The following LIFR variants were observed in gnomAD, a reference collection of about 807,000 sequenced individuals.
LIFR encodes leukemia inhibitory factor receptor.
LIFR carries 84 observed loss-of-function variants against 122.2 expected under a neutral mutation model. That is an observed-to-expected ratio of 0.69 (90% CI 0.58 to 0.82). The LOEUF is 0.82. Among genes scored for constraint, LIFR ranks in the 40% least tolerant of loss-of-function variants. LIFR has a pLI of 0.00. For missense variants in LIFR, 1,294 were observed against 1,311.6 expected, an observed-to-expected ratio of 0.99 and a Z score of 0.21; for synonymous variants, 422 against 434.7, an observed-to-expected ratio of 0.97 and a Z score of 0.36.
At chr5:38,590,027 T>C (rs1467478660) in intron 1 of LIFR, among the ~76,000 whole-genome samples, 1 of 152,220 alleles carries the variant, frequency 6.6e-6, no homozygotes, top group African/African-American at 2.4e-5. Context: ...CAATGGTTTT[T>C]CTAAGACATA....
At chr5:38,571,531 A>T (rs1277637067) in intron 1 of LIFR, among the ~76,000 whole-genome samples, 3 of 51,236 alleles carry the variant, frequency 5.9e-5, no homozygotes, top group African/African-American at 2.6e-4. Flanking sequence ...TTCCAGCTCA[A>T]AAAAAAAAAA....
intron 2 of LIFR, chr5:38,606,159 A>G (rs1750324081): frequency 6.6e-6 from 1 of 152,226 alleles, no homozygotes; most frequent in Non-Finnish European, 1.5e-5. Context: ...CTATGAAGAA[A>G]TGCCTGTGAT....
chr5:38,507,061 A>T (rs1356410497), intron 7 of LIFR, among the ~76,000 whole-genome samples: 1 of 152,168 alleles, frequency 6.6e-6, no homozygotes, highest in East Asian at 1.9e-4. Context: ...AAAATCAGTA[A>T]GTCATGTTAC....
intron 16 of LIFR, among the ~76,000 whole-genome samples, chr5:38,486,482 C>G (rs188996752): frequency 2.0e-5 from 3 of 152,188 alleles, no homozygotes; most frequent in Non-Finnish European, 2.9e-5. Context: ...AATGAGAAAT[C>G]CTTTGGGTTA....
chr5:38,596,206 A>C (rs2112774517), upstream of LIFR, among the ~76,000 whole-genome samples: 1 of 152,290 alleles, frequency 6.6e-6, no homozygotes, highest in East Asian at 1.9e-4. Flanking sequence ...TCGAAGCTTG[A>C]TTCATGGACC....
Position 38,556,515 on chromosome 5 carries a change from C to T in LIFR, c.-201G>A, listed in dbSNP as rs1341454918. 2.0e-5 allele frequency: 3 copies of T among 150,842 alleles called. No homozygotes were observed. Among genetic ancestry groups the T allele is most frequent in the Admixed American group, 6.6e-5 (1 of 15,166 alleles). 9.3% of individuals were successfully genotyped at this position (150,842 alleles called of 1,614,324 possible). On this transcript the variant is annotated 5_prime_UTR_variant, in exon 1 of 20. Coordinates refer to ENST00000453190, the MANE Select transcript of LIFR (RefSeq NM_001127671.2). ...TCGCCTCCCCTGTGTCGGCGCGAGG[C>T]TGCTTGAGGCGGCCACGGGCGAAGG...
At chr5:38,571,071 T>C (rs1228781117) in intron 1 of LIFR, among the ~76,000 whole-genome samples, 1 of 152,216 alleles carries the variant, frequency 6.6e-6, no homozygotes, top group Non-Finnish European at 1.5e-5. Context: ...GTAGAATCTG[T>C]GTGTCTCCTG....
upstream of LIFR, among the ~76,000 whole-genome samples, chr5:38,599,160 A>G (rs1750178416): frequency 6.6e-6 from 1 of 152,216 alleles, no homozygotes; most frequent in African/African-American, 2.4e-5. Context: ...ACAAAGAGTA[A>G]AGACAGAAAG....
chr5:38,494,929 A>G (rs76729790), intron 13 of LIFR, among the ~76,000 whole-genome samples: 1 of 152,234 alleles, frequency 6.6e-6, no homozygotes, highest in Non-Finnish European at 1.5e-5. Flanking sequence ...TTAAGGGTTC[A>G]GTAAAAATAA....
chr5:38,560,815 C>G (rs983996321), upstream of LIFR, among the ~76,000 whole-genome samples: 11 of 152,000 alleles, frequency 7.2e-5, no homozygotes, highest in African/African-American at 2.7e-4. Flanking sequence ...CCAGGCTGGT[C>G]TTGAACTCCT....
Position 38,506,283 on chromosome 5 carries a change from A to G in LIFR, c.1122-209T>C, listed in dbSNP as rs74530265. 2.0e-5 allele frequency among the ~76,000 whole-genome samples: 3 copies of G among 152,330 alleles called. No homozygotes were observed. The East Asian group carries it at 5.8e-4, about 29-fold the overall frequency. On this transcript the variant is annotated intron_variant, in intron 8 of 19. Coordinates refer to ENST00000453190, the MANE Select transcript of LIFR (RefSeq NM_001127671.2). Reference sequence around the variant, plus strand: ...TACTACCGAGAAACAGTCTCTGTTCATGTTCAAGTGTTCTTCATTCTAAGC... The same window carrying G: ...TACTACCGAGAAACAGTCTCTGTTCGTGTTCAAGTGTTCTTCATTCTAAGC...
chr5:38,554,421 C>T (rs533291986), intron 1 of LIFR, among the ~76,000 whole-genome samples: 9 of 152,264 alleles, frequency 5.9e-5, no homozygotes, highest in South Asian at 4.1e-4. Context: ...CACTTAAAAA[C>T]CTCAAAAACT....
Position 38,602,813 on chromosome 5 carries a change from T to G in LIFR, n.305+3392A>C, listed in dbSNP as rs117205399. On this transcript the variant is annotated intron_variant and non_coding_transcript_variant, in intron 2 of 3. Coordinates refer to the LIFR transcript ENST00000507786. ...ATGGTTCGACAATTATCACACTGAC[T>G]CTCTCAGGAAGAGACAAGCTCCTGC... Among the ~76,000 whole-genome samples the G allele has an allele frequency of 1.4e-3, 220 of 152,290 alleles. 3 individuals are homozygous for G. The East Asian group carries it at 0.021, about 14-fold the overall frequency.
In LIFR at chr5:38,481,571, G is replaced by C. The variant is rs1012469576; in HGVS notation, c.*24C>G. ...GCAGTAAGAGCTTATTGAGATGGCT[G>C]ACTGAAGTGACACGGTGACACTGTT... On this transcript the variant is annotated 3_prime_UTR_variant, in exon 20 of 20. Coordinates refer to ENST00000453190, the MANE Select transcript of LIFR (RefSeq NM_001127671.2). 1 of 1,613,612 alleles carries C rather than the reference G, an allele frequency of 6.2e-7. No homozygotes were observed. Among genetic ancestry groups the C allele is most frequent in the Admixed American group, 1.7e-5 (1 of 60,020 alleles).
At chr5:38,510,062 T>C (rs1745713993) in intron 7 of LIFR, among the ~76,000 whole-genome samples, 1 of 152,198 alleles carries the variant, frequency 6.6e-6, no homozygotes, top group African/African-American at 2.4e-5. Context: ...TGTGTAAAAT[T>C]GCTATAATTT....
At chr5:38,496,269 A>T in intron 13 of LIFR, 113 bp downstream of exon 13, 1 of 848,758 alleles carries the variant, frequency 1.2e-6, no homozygotes, top group Non-Finnish European at 2.0e-6. Flanking sequence ...CTTCTAGGTC[A>T]GCAGCAACAA....
intron 2 of LIFR, among the ~76,000 whole-genome samples, chr5:38,600,541 A>G (rs1360336724): frequency 6.6e-6 from 1 of 152,158 alleles, no homozygotes; most frequent in Non-Finnish European, 1.5e-5. Flanking sequence ...CACCTTCCGC[A>G]ATCTCTGTAG....
At chr5:38,600,925 A>T (rs1429646380) in intron 2 of LIFR, among the ~76,000 whole-genome samples, 1 of 152,184 alleles carries the variant, frequency 6.6e-6, no homozygotes, top group African/African-American at 2.4e-5. Flanking sequence ...TTGATACTGG[A>T]AGCAAACATT....
At chr5:38,506,208 A>T in intron 8 of LIFR, 134 bp from the exon 9 acceptor site, 1 of 654,978 alleles carries the variant, frequency 1.5e-6, no homozygotes, top group Non-Finnish European at 2.6e-6. Context: ...TACTCAGAGA[A>T]GAAAATGTAT....
Sources: allele counts gnomAD v4.1 joint callset (sites outside exome capture counted in the v4.1 genomes callset), GRCh38; gene constraint gnomAD v4.1.1; transcripts MANE v1.5; gene names NCBI Gene and HGNC (gene_info 2026-07-23, HGNC 2026-07-21).